NID1: variants seen among roughly 807,000 people sequenced by gnomAD.
The protein encoded by NID1 is nidogen 1.
Under a neutral mutation model 130.6 loss-of-function variants are expected in NID1, and 76 were observed. The observed-to-expected ratio is 0.58, with a 90% confidence interval of 0.48 to 0.70. The LOEUF is 0.70. NID1 is among the 30% of genes least tolerant of loss of function. NID1 has a pLI of 0.00. For missense variants in NID1, 1,517 were observed against 1,664.8 expected, an observed-to-expected ratio of 0.91 and a Z score of 1.54; for synonymous variants, 665 against 675.1, an observed-to-expected ratio of 0.98 and a Z score of 0.23.
rs1657435197 is a variant in NID1 at position 235,981,482 on chromosome 1, G to A, written c.3227+129C>T. 6.1e-6 allele frequency: 6 copies of A among 986,980 alleles called. No homozygotes were observed. In the South Asian group the frequency reaches 1.0e-4, roughly 17 times the overall value. 61.1% of individuals were successfully genotyped at this position (986,980 alleles called of 1,614,324 possible). On this transcript the variant is annotated intron_variant, in intron 16 of 19. Coordinates refer to ENST00000264187, the MANE Select transcript of NID1 (RefSeq NM_002508.3). ...TGGATATCTACAAGTCACCAAAACT[G>A]TAGACTCTTTCGTCCCGTACTCATT... is the stretch of plus-strand genomic sequence containing the variant.
intron 16 of NID1, 105 bp downstream of exon 16, chr1:235,981,506 T>C (rs1262958791): frequency 3.9e-6 from 5 of 1,279,586 alleles, no homozygotes; most frequent in Non-Finnish European, 5.5e-6. Context: ...CCCGTACTCA[T>C]TAATTTCAGG....
intron 12 of NID1, among the ~76,000 whole-genome samples, chr1:236,002,522 A>T (rs1265898126): frequency 6.6e-6 from 1 of 150,960 alleles, no homozygotes; most frequent in Non-Finnish European, 1.5e-5. Flanking sequence ...AAACAAACAA[A>T]CAAACAAACA....
chr1:235,998,073 C>T (rs1165160520), intron 12 of NID1, among the ~76,000 whole-genome samples: 1 of 152,214 alleles, frequency 6.6e-6, no homozygotes, highest in African/African-American at 2.4e-5. Context: ...ATTTCGAGCT[C>T]TGCACCCAGA....
intron 1 of NID1, among the ~76,000 whole-genome samples, chr1:236,052,956 C>T (rs757330114): frequency 6.6e-6 from 1 of 152,216 alleles, no homozygotes; most frequent in Non-Finnish European, 1.5e-5. Context: ...GTATCAAGTA[C>T]GAGTAATCAC....
At position 236,025,936 on chromosome 1, in the gene NID1, G is replaced by A; in HGVS notation, c.1944C>T (p.Ile648=). The change falls in exon 8 of 20, where the codon ATC becomes ATT. Residue 648 remains isoleucine (I), a synonymous_variant. Transcript: ENST00000264187. The part of the protein sequence containing the change: ...VFVLYNQEEK[I]LRYALSNSIG... ...TGGAGTTGCTGAGAGCATAGCGCAA[G>A]ATCTTCTCCTCCTGGTTGTACAGGA... 1 of 1,614,072 alleles carries A rather than the reference G, an allele frequency of 6.2e-7. No homozygotes were observed. Among genetic ancestry groups the A allele is most frequent in the Non-Finnish European group, 8.5e-7 (1 of 1,180,010 alleles).
At chr1:236,014,864 T>C (rs1487156556) in intron 10 of NID1, among the ~76,000 whole-genome samples, 2 of 152,208 alleles carry the variant, frequency 1.3e-5, no homozygotes, top group Non-Finnish European at 1.5e-5. Context: ...CAAGCTGACT[T>C]ATGGGCAAGC....
At position 235,975,881 on chromosome 1, in the gene NID1, C is replaced by T. The variant is rs1657235386; in HGVS notation, c.*1986G>A. The T allele has an allele frequency of 6.6e-6, 1 of 152,522 alleles. No homozygotes were observed. The highest frequency in any genetic ancestry group is 2.4e-5 in the African/African-American group (1 of 41,396). 9.4% of individuals were successfully genotyped at this position (152,522 alleles called of 1,614,324 possible). A position where few individuals can be genotyped will look rare whatever the true frequency, so the allele number is the denominator to read the frequency against. ...TCCACACTATTTGTACAGCTGTAAA[C>T]TCAAGGAATCATCCAATACTTGTAC... On this transcript the variant is annotated 3_prime_UTR_variant, in exon 20 of 20. Coordinates refer to ENST00000264187, the MANE Select transcript of NID1 (RefSeq NM_002508.3).
intron 7 of NID1, among the ~76,000 whole-genome samples, chr1:236,026,895 C>T (rs1179540982): frequency 5.9e-5 from 9 of 152,084 alleles, no homozygotes; most frequent in Non-Finnish European, 8.8e-5. Context: ...TGTGCTATCA[C>T]GCTCAGCTCA....
intron 5 of NID1, among the ~76,000 whole-genome samples, chr1:236,034,931 G>T (rs1302972385): frequency 6.6e-6 from 1 of 150,508 alleles, no homozygotes; most frequent in Non-Finnish European, 1.5e-5. Context: ...ACAGGGTCAG[G>T]ACTTTCACAC....
Position 235,977,856 on chromosome 1 carries a change from C to G in NID1, c.*11G>C. 1 of 1,613,304 alleles carries G rather than the reference C, an allele frequency of 6.2e-7. No individual in the cohort carries two copies. The highest frequency in any genetic ancestry group is 8.5e-7 in the Non-Finnish European group (1 of 1,179,656). ...TGAAATACTTGGAAAGGAAATAAGG[C>G]ACTCTTGTCTTCATTTCTGTTCGAT... On this transcript the variant is annotated 3_prime_UTR_variant, in exon 20 of 20. Coordinates refer to ENST00000264187, the MANE Select transcript of NID1 (RefSeq NM_002508.3).
chr1:236,022,453 C>T (rs111730877), intron 9 of NID1, among the ~76,000 whole-genome samples: 18 of 150,768 alleles, frequency 1.2e-4, no homozygotes, highest in African/African-American at 3.4e-4. Context: ...CTTCTCCTGT[C>T]TCTCCTACTC....
At chr1:236,054,710 C>T (rs1265038929) in intron 1 of NID1, among the ~76,000 whole-genome samples, 4 of 148,320 alleles carry the variant, frequency 2.7e-5, no homozygotes, top group Admixed American at 6.8e-5. Context: ...GGTGCAGTCT[C>T]GGCTCACTGC....
In NID1 at chr1:236,013,470, C is replaced by A. The variant is rs995785182; in HGVS notation, c.2345G>T (p.Gly782Val). 1.2e-5 allele frequency: 20 copies of A among 1,613,980 alleles called. No individual in the cohort carries two copies. The highest frequency in any genetic ancestry group is 1.7e-5 in the Non-Finnish European group (20 of 1,180,024). ...PQRAQCIYTG[G>V]SSYTCSCLPG... is the part of the protein sequence containing the mutation. ...CAAGCAGGAACAGGTGTAGGAGGAG[C>A]CTCCTGTGTAGATACACTGGGCCCG... Residue 782 changes from glycine to valine, a missense_variant, in exon 11 of 20, where the codon GGC (glycine) becomes GTC (valine). Coordinates refer to ENST00000264187, the MANE Select transcript of NID1 (RefSeq NM_002508.3).
chr1:236,015,101 A>ACACCTTGCCCCATTTATTTCTT (rs1239609765), intron 10 of NID1, among the ~76,000 whole-genome samples: 1 of 152,122 alleles, frequency 6.6e-6, no homozygotes, highest in African/African-American at 2.4e-5. Flanking sequence ...TTGGCAGAGC[A>ACACCTTGCCCCATTTATTTCTT]CACCTTGCCC....
At chr1:236,019,912 C>G (rs1466525980) in intron 9 of NID1, among the ~76,000 whole-genome samples, 2 of 151,842 alleles carry the variant, frequency 1.3e-5, no homozygotes, top group Non-Finnish European at 1.5e-5. Flanking sequence ...CAGCATGTGC[C>G]TGTAATTCCG....
At chr1:235,987,910 C>T (rs1231096433) in intron 14 of NID1, among the ~76,000 whole-genome samples, 1 of 152,132 alleles carries the variant, frequency 6.6e-6, no homozygotes, top group Non-Finnish European at 1.5e-5. Flanking sequence ...GAATCAAAGA[C>T]CTAAATGTAA....
At chr1:235,992,664 G>A (rs762347864) in intron 13 of NID1, among the ~76,000 whole-genome samples, 2 of 152,102 alleles carry the variant, frequency 1.3e-5, no homozygotes. Context: ...CCGCTTCTTG[G>A]GGGCCCAGCA....
chr1:236,055,630 G>C (rs932433561), intron 1 of NID1, among the ~76,000 whole-genome samples: 4 of 151,644 alleles, frequency 2.6e-5, no homozygotes, highest in Non-Finnish European at 5.9e-5. Flanking sequence ...ACTCCAGCCT[G>C]GGTAACAGAG....
intron 11 of NID1, among the ~76,000 whole-genome samples, chr1:236,013,108 A>G (rs1658480843): frequency 6.6e-6 from 1 of 152,218 alleles, no homozygotes; most frequent in Non-Finnish European, 1.5e-5. Flanking sequence ...ATGTAAAAGG[A>G]CAGTTTGTCT....
Sources: allele counts gnomAD v4.1 joint callset (sites outside exome capture counted in the v4.1 genomes callset), GRCh38; gene constraint gnomAD v4.1.1; transcripts MANE v1.5; gene names NCBI Gene and HGNC (gene_info 2026-07-23, HGNC 2026-07-21).